The following PTPRQ variants were observed in gnomAD, a reference collection of about 807,000 sequenced individuals.
PTPRQ encodes phosphatidylinositol phosphatase PTPRQ.
Under a neutral mutation model 246.0 loss-of-function variants are expected in PTPRQ, and 199 were observed. The ratio of observed to expected loss-of-function variants is 0.81; its 90% CI spans 0.72 to 0.91. PTPRQ has a LOEUF of 0.91. Ranked by LOEUF, PTPRQ falls within the 40% of genes least tolerant of loss-of-function variation. PTPRQ has a pLI of 0.00. For missense variants in PTPRQ, 2,624 were observed against 2,528.4 expected (o/e 1.04, Z -0.81); for synonymous variants, 869 against 853.2 (o/e 1.02, Z -0.32).
Position 80,557,574 on chromosome 12 carries a change from C to G in PTPRQ, c.4285+7840C>G, listed in dbSNP as rs112513001. On this transcript the variant is annotated intron_variant, in intron 25 of 44. Transcript: ENST00000644991. ...TGTCTTAAGTAGAAACTTGCAGTCA[C>G]AAAACAATTTTTAAACAGTTATGTA... Among the ~76,000 whole-genome samples the G allele has an allele frequency of 5.8e-3, 885 of 152,006 alleles. 12 individuals are homozygous for G. The highest frequency in any genetic ancestry group is 0.02 in the African/African-American group (847 of 41,460).
rs1297781372 is a variant in PTPRQ at position 80,542,289 on chromosome 12, A to G, written c.3646A>G (p.Ser1216Gly). 6.5e-7 allele frequency: 1 copy of G among 1,549,924 alleles called. No individual in the cohort carries two copies. The highest frequency in any genetic ancestry group is 1.4e-5 in the African/African-American group (1 of 72,916). The part of the protein sequence containing the change: ...LEELSPFTLY[S>G]FFAAARTRKG... ...AGAGCTTTCACCATTTACATTATATAGCTTTTTTGCTGCCGCAAGAACTAG... is the reference window on the plus strand; with the variant it reads ...AGAGCTTTCACCATTTACATTATATGGCTTTTTTGCTGCCGCAAGAACTAG... Residue 1216 changes from serine (S) to glycine (G), a missense_variant, in exon 22 of 45, where the codon AGC (serine) becomes GGC (glycine). Physicochemically the swap from Ser to Gly is moderately conservative, Grantham distance 56. Transcript: ENST00000644991.
At chr12:80,639,826 C>T (rs1899790453) in intron 35 of PTPRQ, among the ~76,000 whole-genome samples, 1 of 152,162 alleles carries the variant, frequency 6.6e-6, no homozygotes, top group South Asian at 2.1e-4. Flanking sequence ...TGTTTATGAG[C>T]AACTCCTGTG....
chr12:80,509,926 T>C (rs1401240728), intron 16 of PTPRQ, among the ~76,000 whole-genome samples: 3 of 152,134 alleles, frequency 2.0e-5, no homozygotes, highest in Non-Finnish European at 2.9e-5. Flanking sequence ...ACTTCTTGGA[T>C]GTGTGATTTT....
Position 80,468,818 on chromosome 12 carries a change from T to C in PTPRQ, c.1019T>C (p.Val340Ala), listed in dbSNP as rs912658414. The change falls in exon 7 of 45, where the codon GTT (valine) becomes GCT (alanine). Residue 340 changes from valine (V) to alanine (A), a missense_variant. By Grantham distance (64) the Val-to-Ala change is moderately conservative (BLOSUM62 0). Coordinates refer to ENST00000644991, the MANE Select transcript of PTPRQ (RefSeq NM_001145026.2). The stretch of plus-strand genomic sequence containing the variant: ...GTAACAGGGAAATTTAGTTATAGAG[T>C]TGAATTATATGGACCATCAGGTAAG... ...TIVTGKFSYRVELYGPSGRIL... is the reference protein window; with the variant it reads ...TIVTGKFSYRAELYGPSGRIL... 6 of 1,548,864 alleles carry C rather than the reference T, an allele frequency of 3.9e-6. No individual in the cohort carries two copies. In the African/African-American group the frequency reaches 8.2e-5, roughly 21 times the overall value.
chr12:80,627,345 T>TATAATAATA (rs10646490), intron 33 of PTPRQ, among the ~76,000 whole-genome samples: 179 of 143,314 alleles, frequency 1.2e-3, no homozygotes, highest in Middle Eastern at 3.6e-3. Context: ...ACTCAATTTT[T>TATAATAATA]ATAATAATAA....
intron 5 of PTPRQ, among the ~76,000 whole-genome samples, 179 bp downstream of exon 5, chr12:80,459,662 T>C (rs371990632): frequency 6.6e-5 from 10 of 152,190 alleles, no homozygotes; most frequent in Admixed American, 6.5e-4. Flanking sequence ...TGTAACACAA[T>C]TGGCCTCATT....
intron 3 of PTPRQ, among the ~76,000 whole-genome samples, chr12:80,454,203 G>A (rs978084085): frequency 6.1e-5 from 9 of 147,940 alleles, no homozygotes; most frequent in Non-Finnish European, 8.9e-5. Context: ...CTGGTGTGCC[G>A]TTTTTTAAGC....
At chr12:80,588,084 G>A (rs937268721) in intron 25 of PTPRQ, 45 bp from the exon 26 acceptor site, 1 of 1,471,156 alleles carries the variant, frequency 6.8e-7, no homozygotes, top group South Asian at 1.5e-5. Context: ...TTTATGAAGT[G>A]TTTGGTAATT....
At chr12:80,523,095 G>A (rs1225599361) in intron 17 of PTPRQ, among the ~76,000 whole-genome samples, 4 of 152,008 alleles carry the variant, frequency 2.6e-5, no homozygotes, top group African/African-American at 9.7e-5. Flanking sequence ...GTCTTGGGAG[G>A]GTGTATGTGT....
chr12:80,664,139 C>T (rs1441231427), intron 39 of PTPRQ, among the ~76,000 whole-genome samples: 1 of 151,890 alleles, frequency 6.6e-6, no homozygotes, highest in Non-Finnish European at 1.5e-5. Flanking sequence ...CATGATCACG[C>T]CAAAATATCT....
chr12:80,619,093 A>G (rs535433402), intron 30 of PTPRQ, among the ~76,000 whole-genome samples: 22 of 151,688 alleles, frequency 1.5e-4, no homozygotes, highest in African/African-American at 4.6e-4. Context: ...TAAAAAATAT[A>G]TATGAGTGAG....
At chr12:80,652,702 A>G in intron 37 of PTPRQ, 42 bp from the exon 38 acceptor site, 1 of 1,456,460 alleles carries the variant, frequency 6.9e-7, no homozygotes, top group South Asian at 1.5e-5. Flanking sequence ...TTTCTTGTTT[A>G]CCTCTGATAA....
intron 2 of PTPRQ, 75 bp downstream of exon 2, chr12:80,444,924 A>C: frequency 7.2e-7 from 1 of 1,389,042 alleles, no homozygotes; most frequent in Non-Finnish European, 9.5e-7. Flanking sequence ...GGAAATACTT[A>C]TACTGGCAAC....
chr12:80,453,168 G>T (rs899629966), intron 3 of PTPRQ, among the ~76,000 whole-genome samples: 2 of 152,034 alleles, frequency 1.3e-5, no homozygotes, highest in Non-Finnish European at 2.9e-5. Flanking sequence ...CGGCTCCTGA[G>T]GCTTCTGCAT....
At chr12:80,673,777 A>T (rs943698730) in intron 43 of PTPRQ, among the ~76,000 whole-genome samples, 2 of 152,140 alleles carry the variant, frequency 1.3e-5, no homozygotes, top group African/African-American at 4.8e-5. Flanking sequence ...GCACGCTATC[A>T]ACTATTAACT....
chr12:80,575,062 G>C (rs1419201563), intron 25 of PTPRQ, among the ~76,000 whole-genome samples: 1 of 152,134 alleles, frequency 6.6e-6, no homozygotes, highest in Admixed American at 6.6e-5. Flanking sequence ...CACCAGATCA[G>C]AGTTCCTCAA....
rs113892214 is a variant in PTPRQ, at chr12:80,655,160, C to T, written c.6115+2326C>T. ...ACAATCTTAAAGTAATAAAAAGGAC[C>T]GAGGAGTATGACTACCCCAATTTTC... is the stretch of plus-strand genomic sequence containing the variant. On this transcript the variant is annotated intron_variant, in intron 38 of 44. Transcript: ENST00000644991. Among the ~76,000 whole-genome samples the T allele has an allele frequency of 2.6e-4, 40 of 151,974 alleles. 1 individual carries two copies. The highest frequency in any genetic ancestry group is 1.9e-3 in the Admixed American group (29 of 15,234).
At position 80,445,662 on chromosome 12, in the gene PTPRQ, A is replaced by G; in HGVS notation, c.335A>G (p.Asp112Gly). ...TATACACAAGTCAGATCAAAGCCAG[A>G]CAGTCTGGAAGTTCTTCTTACTAAT... ...TVYTQVRSKPDSLEVLLTNLN... is the reference protein window; with the variant it reads ...TVYTQVRSKPGSLEVLLTNLN... The change falls in exon 3 of 45, where the codon GAC (aspartate) becomes GGC (glycine). Residue 112 changes from aspartate to glycine, a missense_variant. Transcript: ENST00000644991. 3 of 1,550,196 alleles carry G rather than the reference A, an allele frequency of 1.9e-6. No homozygotes were observed. The highest frequency in any genetic ancestry group is 1.4e-5 in the African/African-American group (1 of 73,054).
chr12:80,675,498 A>C (rs889588811), intron 43 of PTPRQ, among the ~76,000 whole-genome samples: 7 of 152,208 alleles, frequency 4.6e-5, no homozygotes, highest in African/African-American at 1.7e-4. Context: ...ACACATAGAC[A>C]CTGGGGATCA....
Sources: gnomAD v4.1 joint callset for allele counts (sites outside exome capture counted in the v4.1 genomes callset) on GRCh38, gnomAD v4.1.1 for gene constraint, MANE v1.5 for transcripts, NCBI Gene and HGNC (gene_info 2026-07-23, HGNC 2026-07-21) for gene names.